Variants in VWA3B observed in about 807,000 individuals in gnomAD.
The protein encoded by VWA3B is von Willebrand factor A domain containing 3B.
VWA3B carries 138 observed loss-of-function variants against 158.3 expected under a neutral mutation model. That is an observed-to-expected ratio of 0.87 (90% CI 0.76 to 1.00). VWA3B has a LOEUF of 1.00. VWA3B is among the 50% of genes least tolerant of loss of function. The pLI is 0.00. For synonymous variants in VWA3B, 596 were observed against 587.3 expected (o/e 1.01, Z -0.21); for missense variants, 1,555 against 1,565.1 (o/e 0.99, Z 0.11).
Position 98,187,664 on chromosome 2 carries a change from C to CTGTGTGTGTGTG in VWA3B, c.1312-283_1312-272dup, listed in dbSNP as rs3066239. On this transcript the variant is annotated intron_variant, in intron 9 of 27. Transcript: ENST00000477737. Reference sequence around the variant, plus strand: ...TCCCTCTCCCTCTCCGTCTCTGTGTCTGTGTGTGTGTGTGTGTGTGTGTGT... The same window carrying CTGTGTGTGTGTG: ...TCCCTCTCCCTCTCCGTCTCTGTGTCTGTGTGTGTGTGTGTGTGTGTGTGTGTGTGTGTGTGT... Among the ~76,000 whole-genome samples the CTGTGTGTGTGTG allele has an allele frequency of 5.9e-4, 84 of 141,792 alleles. 1 individual carries two copies. The highest frequency in any genetic ancestry group is 2.2e-3 in the African/African-American group (80 of 37,044). The allele number at this position is 141,792 out of a possible 152,430, so 93.0% of individuals were successfully genotyped here. A position where few individuals can be genotyped will look rare whatever the true frequency, so the allele number is the denominator to read the frequency against.
At chr2:98,143,223 G>A (rs1676920528) in intron 7 of VWA3B, among the ~76,000 whole-genome samples, 1 of 152,074 alleles carries the variant, frequency 6.6e-6, no homozygotes, top group African/African-American at 2.4e-5. Context: ...GATTTTAGTG[G>A]AGACGAGGTT....
intron 23 of VWA3B, chr2:98,290,887 C>T (rs1211563796): frequency 1.7e-5 from 6 of 358,880 alleles, no homozygotes; most frequent in East Asian, 6.5e-5. Flanking sequence ...CCATTTACTG[C>T]GTTGCATGTA....
chr2:98,228,645 C>T (rs1015791422), intron 15 of VWA3B, among the ~76,000 whole-genome samples: 1 of 152,096 alleles, frequency 6.6e-6, no homozygotes, highest in African/African-American at 2.4e-5. Context: ...ACTCAGGGAT[C>T]AGGAGGCCGA....
chr2:98,107,493 G>A (rs1268511169), intron 2 of VWA3B, among the ~76,000 whole-genome samples: 2 of 152,066 alleles, frequency 1.3e-5, no homozygotes, highest in Non-Finnish European at 2.9e-5. Flanking sequence ...AAATTCTCCA[G>A]TGAACTCATC....
intron 19 of VWA3B, 35 bp from the exon 20 acceptor site, chr2:98,250,283 G>C: frequency 1.3e-6 from 2 of 1,562,456 alleles, no homozygotes; most frequent in Non-Finnish European, 1.7e-6. Flanking sequence ...AACCTATCAA[G>C]TGACACTTTC....
At chr2:98,276,967 C>T (rs1048336120) in intron 22 of VWA3B, among the ~76,000 whole-genome samples, 3 of 152,146 alleles carry the variant, frequency 2.0e-5, no homozygotes, top group Non-Finnish European at 2.9e-5. Flanking sequence ...GAAGGAGACA[C>T]GGCAGCAAAT....
At chr2:98,096,933 AAACATTG>A (rs1231417336) in intron 2 of VWA3B, among the ~76,000 whole-genome samples, 30 of 152,004 alleles carry the variant, frequency 2.0e-4, no homozygotes, top group African/African-American at 6.8e-4. Context: ...AGGTAAGGTA[AAACATTG>A]GGTTGTTTAT....
intron 7 of VWA3B, among the ~76,000 whole-genome samples, chr2:98,148,148 C>G (rs1677327571): frequency 6.6e-6 from 1 of 152,128 alleles, no homozygotes; most frequent in Non-Finnish European, 1.5e-5. Flanking sequence ...AGTGAAAATA[C>G]TGAATCAAAA....
chr2:98,323,184 G>A, the VWA3B span, among the ~76,000 whole-genome samples: 2 of 152,062 alleles, frequency 1.3e-5, no homozygotes, highest in Non-Finnish European at 2.9e-5. Context: ...CATCAAAGTA[G>A]CTACTATAAA....
intron 13 of VWA3B, among the ~76,000 whole-genome samples, chr2:98,215,154 G>C (rs1383317908): frequency 2.6e-5 from 4 of 152,082 alleles, no homozygotes; most frequent in Non-Finnish European, 1.5e-5. Context: ...ATAATAGCTG[G>C]AGTTAGGCCA....
intron 8 of VWA3B, among the ~76,000 whole-genome samples, chr2:98,165,558 C>G (rs528816306): frequency 1.3e-5 from 2 of 152,044 alleles, no homozygotes; most frequent in Non-Finnish European, 2.9e-5. Flanking sequence ...GCAGGGAGGT[C>G]AGGCCGGCTG....
At chr2:98,225,293 G>A (rs1322732573) in intron 14 of VWA3B, among the ~76,000 whole-genome samples, 1 of 152,156 alleles carries the variant, frequency 6.6e-6, no homozygotes, top group Non-Finnish European at 1.5e-5. Context: ...GTAATTGATT[G>A]TTTCAACATT....
intron 12 of VWA3B, among the ~76,000 whole-genome samples, chr2:98,196,612 G>T (rs995034210): frequency 5.9e-5 from 9 of 152,144 alleles, no homozygotes; most frequent in African/African-American, 2.2e-4. Context: ...TTGAGCGGGG[G>T]AGATGGAGGG....
At chr2:98,213,704 T>G (rs1683738294) in intron 13 of VWA3B, among the ~76,000 whole-genome samples, 1 of 152,170 alleles carries the variant, frequency 6.6e-6, no homozygotes, top group South Asian at 2.1e-4. Flanking sequence ...TTTGCGAACC[T>G]CTAGGGAGTG....
intron 13 of VWA3B, among the ~76,000 whole-genome samples, 162 bp from the exon 14 acceptor site, chr2:98,217,684 T>C (rs934298226): frequency 6.6e-6 from 1 of 152,232 alleles, no homozygotes; most frequent in East Asian, 1.9e-4. Flanking sequence ...CAGTCTTTTC[T>C]TTATTTACTG....
chr2:98,258,330 G>A (rs528089137), intron 21 of VWA3B, among the ~76,000 whole-genome samples: 2 of 151,610 alleles, frequency 1.3e-5, no homozygotes, highest in South Asian at 4.2e-4. Flanking sequence ...AAATTGTTTG[G>A]GCTATTCAGG....
intron 8 of VWA3B, among the ~76,000 whole-genome samples, chr2:98,179,822 CTTTCTT>C (rs1175319296): frequency 2.9e-5 from 3 of 104,124 alleles, no homozygotes; most frequent in Non-Finnish European, 5.5e-5. Flanking sequence ...TTCTTTCTTT[CTTTCTT>C]TTTCTTTCTT....
chr2:98,102,527 G>A (rs949723348), intron 2 of VWA3B, among the ~76,000 whole-genome samples: 36 of 152,176 alleles, frequency 2.4e-4, no homozygotes, highest in Non-Finnish European at 4.9e-4. Context: ...ACGGGGTGGC[G>A]GCCAGGCAGA....
chr2:98,284,068 AAT>A (rs1254338583), intron 22 of VWA3B, among the ~76,000 whole-genome samples: 1 of 152,228 alleles, frequency 6.6e-6, no homozygotes, highest in Non-Finnish European at 1.5e-5. Context: ...TGCCTCAGCA[AAT>A]GTGCAAGTTC....
Sources: gnomAD v4.1 joint callset for allele counts (sites outside exome capture counted in the v4.1 genomes callset) on GRCh38, gnomAD v4.1.1 for gene constraint, MANE v1.5 for transcripts, NCBI Gene and HGNC (gene_info 2026-07-23, HGNC 2026-07-21) for gene names.